Variants in CACNA1B observed in about 807,000 individuals in gnomAD.
CACNA1B encodes the protein voltage-dependent N-type calcium channel subunit alpha-1B.
A neutral mutation model predicts 247.2 loss-of-function variants in CACNA1B; 70 were observed. The ratio of observed to expected loss-of-function variants is 0.28; its 90% CI spans 0.23 to 0.35. The LOEUF is 0.35. Among genes scored for constraint, CACNA1B ranks in the 10% least tolerant of loss-of-function variants. The probability of loss-of-function intolerance (pLI) is 1.00; values close to 1 mark genes in which losing one functional copy is unlikely to be tolerated. For missense variants in CACNA1B, 2,367 were observed against 3,197.4 expected, an observed-to-expected ratio of 0.74 and a Z score of 6.26; for synonymous variants, 1,231 against 1,294.4, an observed-to-expected ratio of 0.95 and a Z score of 1.05.
rs181049648 is a variant in CACNA1B at position 138,122,421 on chromosome 9, C to G, written c.*422C>G. On this transcript the variant is annotated 3_prime_UTR_variant, in exon 47 of 47. Coordinates refer to ENST00000371372, the MANE Select transcript of CACNA1B (RefSeq NM_000718.4). ...GAGAAGCAGGGCCCACCTGAAAGTG[C>G]GCCGAGACCTCGGGACGGAGGGGAT... 61 of 185,010 alleles carry G rather than the reference C, an allele frequency of 3.3e-4. 1 individual carries two copies. The East Asian group carries it at 8.7e-3, about 26-fold the overall frequency. The allele number at this position is 185,010 out of a possible 1,614,324, so 11.5% of individuals were successfully genotyped here. A position where few individuals can be genotyped will look rare whatever the true frequency, so the allele number is the denominator to read the frequency against.
intron 20 of CACNA1B, among the ~76,000 whole-genome samples, chr9:138,028,926 TTC>T (rs1432589274): frequency 6.6e-6 from 1 of 152,206 alleles, no homozygotes; most frequent in Non-Finnish European, 1.5e-5. Flanking sequence ...ATATGGCTGC[TTC>T]TCTCTGACTT....
intron 34 of CACNA1B, among the ~76,000 whole-genome samples, chr9:138,075,504 C>G (rs1297922664): frequency 6.6e-6 from 1 of 152,208 alleles, no homozygotes; most frequent in African/African-American, 2.4e-5. Context: ...CGCTGATGAT[C>G]CCACTTGAAA....
intron 37 of CACNA1B, among the ~76,000 whole-genome samples, chr9:138,098,267 T>C (rs557401346): frequency 1.3e-5 from 2 of 152,318 alleles, no homozygotes; most frequent in South Asian, 2.1e-4. Context: ...ACACAGGACC[T>C]GTGGTCAAGT....
intron 36 of CACNA1B, among the ~76,000 whole-genome samples, chr9:138,087,008 G>C (rs1348654095): frequency 6.6e-6 from 1 of 150,826 alleles, no homozygotes; most frequent in Non-Finnish European, 1.5e-5. Flanking sequence ...TCAGTAACAA[G>C]GGGAGCTTTT....
At chr9:138,017,433 GTC>G (rs1341910272) in intron 18 of CACNA1B, among the ~76,000 whole-genome samples, 1 of 152,184 alleles carries the variant, frequency 6.6e-6, no homozygotes, top group Non-Finnish European at 1.5e-5. Context: ...TTCCCTCCTG[GTC>G]TCTGTCTTTT....
At chr9:138,047,542 C>T (rs777826140) in intron 23 of CACNA1B, 84 bp downstream of exon 23, 1 of 933,042 alleles carries the variant, frequency 1.1e-6, no homozygotes, top group Non-Finnish European at 1.8e-6. Context: ...AGTGGTTGAA[C>T]CACAATTTCT....
rs1030066618 is a variant in CACNA1B, at chr9:137,971,258, C to G, written c.1334-125C>G. On this transcript the variant is annotated intron_variant, in intron 10 of 46. Transcript: ENST00000371372. The surrounding 1 kb of genome is among the most constrained non-coding windows in gnomAD (Gnocchi z 4.4). ...GTGGAGGTCACAGGGGTCACTGGCACAATTGTCTGTGACCGGCTGGGGCTG... is the reference window on the plus strand; with the variant it reads ...GTGGAGGTCACAGGGGTCACTGGCAGAATTGTCTGTGACCGGCTGGGGCTG... 2 of 681,710 alleles carry G rather than the reference C, an allele frequency of 2.9e-6. No homozygotes were observed. The highest frequency in any genetic ancestry group is 5.2e-6 in the Non-Finnish European group (2 of 387,408). The allele number at this position is 681,710 out of a possible 1,614,324, so 42.2% of individuals were successfully genotyped here.
chr9:137,984,059 C>T (rs757393055), intron 12 of CACNA1B, 79 bp from the exon 13 acceptor site: 60 of 1,052,750 alleles, frequency 5.7e-5, no homozygotes, highest in Non-Finnish European at 7.1e-5. Context: ...GGTGCAGCCA[C>T]GCAGGGTGTG....
intron 31 of CACNA1B, among the ~76,000 whole-genome samples, chr9:138,060,114 C>T (rs963296683): frequency 2.0e-5 from 3 of 152,018 alleles, no homozygotes; most frequent in Non-Finnish European, 4.4e-5. Context: ...AAATATTGCC[C>T]CCCACCGTCT....
intron 10 of CACNA1B, among the ~76,000 whole-genome samples, chr9:137,966,489 A>T (rs1261695115): frequency 6.6e-6 from 1 of 150,964 alleles, no homozygotes; most frequent in Non-Finnish European, 1.5e-5. Context: ...AGCCTCTGAA[A>T]GTGCTGGGGT....
At position 137,919,671 on chromosome 9, in the gene CACNA1B, G is replaced by T. The variant is rs1957455082; in HGVS notation, c.966+2240G>T. 6.6e-6 allele frequency among the ~76,000 whole-genome samples: 1 copy of T among 152,186 alleles called. No homozygotes were observed. On this transcript the variant is annotated intron_variant, in intron 6 of 46. Transcript: ENST00000371372. This position sits in a 1 kb window ranked among gnomAD's most constrained non-coding sequence, Gnocchi z 4.6. The stretch of plus-strand genomic sequence containing the variant: ...CGCTCCTTCAAGCAATGACATCTGG[G>T]TTCTTTGTGGGCGGAAGCCCACGGC...
chr9:138,108,683 C>G (rs1961522137), intron 39 of CACNA1B, among the ~76,000 whole-genome samples: 1 of 151,270 alleles, frequency 6.6e-6, no homozygotes, highest in African/African-American at 2.4e-5. Context: ...GAGTCTCACT[C>G]TGTTGCCCAG....
intron 10 of CACNA1B, among the ~76,000 whole-genome samples, chr9:137,967,910 C>T (rs1413308303): frequency 6.6e-6 from 1 of 152,202 alleles, no homozygotes; most frequent in African/African-American, 2.4e-5. Flanking sequence ...TTGCTCTGCT[C>T]CTGTCAGTCC....
At chr9:137,937,458 A>G (rs1957681226) in intron 6 of CACNA1B, among the ~76,000 whole-genome samples, 1 of 152,196 alleles carries the variant, frequency 6.6e-6, no homozygotes, top group African/African-American at 2.4e-5. Context: ...ACCAAACCTA[A>G]GAATAATTGG....
chr9:137,953,367 C>T (rs1270668042), intron 7 of CACNA1B, among the ~76,000 whole-genome samples: 1 of 152,212 alleles, frequency 6.6e-6, no homozygotes, highest in Non-Finnish European at 1.5e-5. Context: ...CCGAGCCAGG[C>T]TGGGGATAGA....
intron 2 of CACNA1B, 47 bp downstream of exon 2, chr9:137,879,206 ACT>A: frequency 6.5e-6 from 8 of 1,228,706 alleles, no homozygotes; most frequent in Non-Finnish European, 9.4e-6. Flanking sequence ...GGAGGCCGCG[ACT>A]CCACTTTCCT....
rs992237188 is a variant in CACNA1B at position 137,913,586 on chromosome 9, G to A, written c.622+315G>A. On this transcript the variant is annotated intron_variant, in intron 4 of 46. Transcript: ENST00000371372. The surrounding 1 kb of genome is among the most constrained non-coding windows in gnomAD (Gnocchi z 5.2). The stretch of plus-strand genomic sequence containing the variant: ...TTCTGAGGGTAAAGAATGGATGAGA[G>A]GTTGACCAAGGTGGTGGGGAAGGAT... 6.6e-6 allele frequency among the ~76,000 whole-genome samples: 1 copy of A among 152,242 alleles called. No individual in the cohort carries two copies. Among genetic ancestry groups the A allele is most frequent in the Non-Finnish European group, 1.5e-5 (1 of 68,044 alleles).
chr9:137,893,355 A>G (rs1358991915), intron 3 of CACNA1B, among the ~76,000 whole-genome samples: 1 of 36,270 alleles, frequency 2.8e-5, no homozygotes, highest in Non-Finnish European at 4.6e-5. Flanking sequence ...TCCCCCCTTT[A>G]AAAAAAAAAA....
intron 35 of CACNA1B, among the ~76,000 whole-genome samples, chr9:138,077,374 C>T (rs1344422218): frequency 2.6e-5 from 4 of 152,184 alleles, no homozygotes; most frequent in Non-Finnish European, 5.9e-5. Flanking sequence ...GTTCAAGGAC[C>T]AGCAGAGGCC....
Sources: allele counts gnomAD v4.1 joint callset (sites outside exome capture counted in the v4.1 genomes callset), GRCh38; gene constraint gnomAD v4.1.1; non-coding constraint Gnocchi (gnomAD v3.1); transcripts MANE v1.5; gene names NCBI Gene and HGNC (gene_info 2026-07-23, HGNC 2026-07-21).